The following TG variants were observed in gnomAD, a reference collection of about 807,000 sequenced individuals.
The protein encoded by TG is thyroglobulin.
Under a neutral mutation model 324.7 loss-of-function variants are expected in TG, and 270 were observed. The ratio of observed to expected loss-of-function variants is 0.83; its 90% confidence interval spans 0.75 to 0.92. The LOEUF (loss-of-function observed/expected upper bound fraction) is 0.92. Among genes scored for constraint, TG ranks in the 40% least tolerant of loss-of-function variants. The probability of loss-of-function intolerance (pLI) is 0.00; values close to 1 mark genes in which losing one functional copy is unlikely to be tolerated. For synonymous variants in TG, 1,401 were observed against 1,327.0 expected, an observed-to-expected ratio of 1.06 and a Z score of -1.21; for missense variants, 3,591 against 3,456.4, an observed-to-expected ratio of 1.04 and a Z score of -0.98.
In TG at chr8:132,967,834, A is replaced by G; in HGVS notation, c.5727A>G (p.Ile1909Met). Residue 1909 changes from isoleucine (I) to methionine (M), a missense_variant, in exon 31 of 48, where the codon ATA becomes ATG. Physicochemically the swap from Ile to Met is conservative, Grantham distance 10. Coordinates refer to ENST00000220616, the MANE Select transcript of TG (RefSeq NM_003235.5). ...QEHSFCQLAE[I>M]TESASLYFTC... ...ACTCTTTCTGTCAGCTCGCAGAGAT[A>G]ACAGAGAGTGCATCCTTGTACTTCA... 1.2e-6 allele frequency: 2 copies of G among 1,613,960 alleles called. No individual in the cohort carries two copies. Among genetic ancestry groups the G allele is most frequent in the Non-Finnish European group, 1.7e-6 (2 of 1,179,900 alleles).
intron 23 of TG, among the ~76,000 whole-genome samples, chr8:132,933,192 G>T (rs988841792): frequency 1.2e-5 from 1 of 86,734 alleles, no homozygotes; most frequent in African/African-American, 4.4e-5. Flanking sequence ...GTGTATTTGG[G>T]TGTATATTTG....
At position 133,047,777 on chromosome 8, in the gene TG, CA is replaced by C. The variant is rs1839720420; in HGVS notation, c.7239+17758del. 2.9e-6 allele frequency: 3 copies of C among 1,018,392 alleles called. No individual in the cohort carries two copies. In the East Asian group the frequency reaches 7.1e-5, roughly 24 times the overall value. The allele number at this position is 1,018,392 out of a possible 1,614,324, so 63.1% of individuals were successfully genotyped here. On this transcript the variant is annotated intron_variant, in intron 41 of 47. Coordinates refer to ENST00000220616, the MANE Select transcript of TG (RefSeq NM_003235.5). ...AGCCGTGTAATGAGTCAGCCAGGAG[CA>C]AAACATGCTTGTCTGCCCCGGATGG... is the stretch of plus-strand genomic sequence containing the variant.
rs201216611 is a variant in TG, at chr8:132,919,524, C to T, written c.4527C>T (p.His1509=). 6.5e-4 allele frequency: 1,043 copies of T among 1,613,816 alleles called. 3 individuals are homozygous for T. Among genetic ancestry groups the T allele is most frequent in the Non-Finnish European group, 8.3e-4 (981 of 1,179,864 alleles). Residue 1509 remains histidine (H), a splice_region_variant and synonymous_variant, in exon 21 of 48, where the codon CAC becomes CAT. Coordinates refer to ENST00000220616, the MANE Select transcript of TG (RefSeq NM_003235.5). Reference sequence around the variant, plus strand: ...CTGCTGGAGCTTTCAGCCAGACTCACTGTAAGTTCTGTGGAGTGCTTCTTT... The same window carrying T: ...CTGCTGGAGCTTTCAGCCAGACTCATTGTAAGTTCTGTGGAGTGCTTCTTT... The part of the protein sequence containing the change: ...TISAGAFSQT[H]CVTDCQRNEA...
chr8:133,066,986 C>T (rs1843126079), intron 41 of TG, among the ~76,000 whole-genome samples: 1 of 152,188 alleles, frequency 6.6e-6, no homozygotes, highest in South Asian at 2.1e-4. Context: ...TTGGTCATGG[C>T]TCTTTTGCCT....
At chr8:133,116,549 G>C in intron 44 of TG, 60 bp from the exon 45 acceptor site, 3 of 1,509,280 alleles carry the variant, frequency 2.0e-6, no homozygotes, top group Non-Finnish European at 2.8e-6. Context: ...GCCCTTTCCA[G>C]GCACCATGGC....
At chr8:132,989,656 G>T (rs1832056050) in intron 35 of TG, among the ~76,000 whole-genome samples, 3 of 152,216 alleles carry the variant, frequency 2.0e-5, no homozygotes, top group African/African-American at 7.2e-5. Flanking sequence ...CAATGAAAAG[G>T]AATCAACTTT....
At chr8:132,909,382 TTCAAACA>T (rs779980967) in intron 18 of TG, among the ~76,000 whole-genome samples, 1 of 152,128 alleles carries the variant, frequency 6.6e-6, no homozygotes, top group South Asian at 2.1e-4. Context: ...AGACATGTGT[TTCAAACA>T]TGGGGAAATT....
intron 37 of TG, 77 bp downstream of exon 37, chr8:133,013,841 G>A: frequency 9.1e-6 from 14 of 1,542,184 alleles, no homozygotes; most frequent in Non-Finnish European, 1.2e-5. Flanking sequence ...CACTTGGTGA[G>A]TTGGAGGACA....
intron 41 of TG, among the ~76,000 whole-genome samples, chr8:133,083,255 A>C (rs1415556886): frequency 2.0e-5 from 3 of 152,190 alleles, no homozygotes; most frequent in Non-Finnish European, 4.4e-5. Context: ...GTCAGTTATC[A>C]AGTATTTTTT....
chr8:133,113,986 T>G (rs1465907297), intron 44 of TG, among the ~76,000 whole-genome samples: 1 of 152,216 alleles, frequency 6.6e-6, no homozygotes, highest in Non-Finnish European at 1.5e-5. Context: ...TTGCATTCAC[T>G]GAGCCCAGTG....
chr8:132,964,880 G>A (rs1261034184), intron 29 of TG: 1 of 701,766 alleles, frequency 1.4e-6, no homozygotes, highest in East Asian at 2.7e-5. Flanking sequence ...CAGCCTGCAG[G>A]GGCCAGGAAA....
intron 41 of TG, among the ~76,000 whole-genome samples, chr8:133,058,046 T>C (rs1353298104): frequency 1.3e-5 from 2 of 152,164 alleles, no homozygotes; most frequent in African/African-American, 4.8e-5. Flanking sequence ...GGTTACTTGT[T>C]TGAGGGTAAC....
rs61740825 is a variant in TG at position 132,919,481 on chromosome 8, T to C, written c.4484T>C (p.Val1495Ala). The change falls in exon 21 of 48, where the codon GTG becomes GCG. Residue 1495 changes from valine (V) to alanine (A), a missense_variant. Val to Ala is a moderately conservative substitution (Grantham distance 64). Transcript: ENST00000220616. ...AGSLACVPCP[V>A]GRTTISAGAF... is the part of the protein sequence containing the mutation. The stretch of plus-strand genomic sequence containing the variant: ...AGCTTGGCCTGTGTCCCATGTCCTG[T>C]GGGCAGAACGACCATTTCTGCTGGA... 929 of 1,614,114 alleles carry C rather than the reference T, an allele frequency of 5.8e-4. 3 individuals carry two copies. In the African/African-American group the frequency reaches 0.011, roughly 19 times the overall value.
intron 41 of TG, among the ~76,000 whole-genome samples, chr8:133,083,387 T>C (rs796498786): frequency 8.5e-5 from 13 of 152,350 alleles, no homozygotes; most frequent in African/African-American, 2.9e-4. Context: ...CATCAATTCA[T>C]CTTAACAAAT....
At position 132,870,850 on chromosome 8, in the gene TG, C is replaced by T. The variant is rs911392227; in HGVS notation, c.275-498C>T. Among the ~76,000 whole-genome samples the T allele has an allele frequency of 5.3e-5, 8 of 152,132 alleles. 1 individual carries two copies. Among genetic ancestry groups the T allele is most frequent in the African/African-American group, 1.9e-4 (8 of 41,420 alleles). On this transcript the variant is annotated intron_variant, in intron 3 of 47. Transcript: ENST00000220616. ...TGGACACTAATAGAGCTGGAACTCA[C>T]TCACTCCGAGGGAAGGCATTCATCT...
At chr8:133,078,695 A>C (rs1324040811) in intron 41 of TG, among the ~76,000 whole-genome samples, 1 of 151,900 alleles carries the variant, frequency 6.6e-6, no homozygotes, top group East Asian at 1.9e-4. Context: ...AAAGCTAAAC[A>C]CTCTTTTTTC....
intron 35 of TG, among the ~76,000 whole-genome samples, chr8:133,007,753 AAT>A (rs1834149769): frequency 6.6e-6 from 1 of 152,144 alleles, no homozygotes; most frequent in Admixed American, 6.5e-5. Context: ...ATTTATTAGA[AAT>A]ATGTCTAATT....
At chr8:132,889,589 T>C (rs2132185172) in intron 10 of TG, among the ~76,000 whole-genome samples, 1 of 152,360 alleles carries the variant, frequency 6.6e-6, no homozygotes, top group East Asian at 1.9e-4. Context: ...ACATTGATCT[T>C]GGCCTGACTG....
At chr8:133,018,171 A>G (rs569812217) in intron 38 of TG, among the ~76,000 whole-genome samples, 174 bp downstream of exon 38, 1 of 152,256 alleles carries the variant, frequency 6.6e-6, no homozygotes. Context: ...ACTCCTAAGT[A>G]ACAGTGGCTT....
Sources: allele counts gnomAD v4.1 joint callset (sites outside exome capture counted in the v4.1 genomes callset), GRCh38; gene constraint gnomAD v4.1.1; transcripts MANE v1.5; gene names NCBI Gene and HGNC (gene_info 2026-07-23, HGNC 2026-07-21).